The following RUNX1T1 variants were observed in gnomAD, a reference collection of about 807,000 sequenced individuals.
The protein encoded by RUNX1T1 is protein CBFA2T1.
A neutral mutation model predicts 62.8 loss-of-function variants in RUNX1T1; 4 were observed. The observed-to-expected ratio is 0.06, with a 90% CI of 0.03 to 0.15. The LOEUF (loss-of-function observed/expected upper bound fraction) is 0.15. Among genes scored for constraint, RUNX1T1 ranks in the 10% least tolerant of loss-of-function variants. The pLI is 1.00. For missense variants in RUNX1T1, 508 were observed against 754.3 expected, an observed-to-expected ratio of 0.67 and a Z score of 3.82; for synonymous variants, 291 against 286.0, an observed-to-expected ratio of 1.02 and a Z score of -0.18.
chr8:91,959,140 C>T (rs953833758), exon 11 of RUNX1T1: 3 of 217,626 alleles, frequency 1.4e-5, no homozygotes, highest in Non-Finnish European at 2.8e-5. Context: ...GGAAACCTCA[C>T]AGGACAGAAG....
intron 6 of RUNX1T1, among the ~76,000 whole-genome samples, chr8:91,990,645 C>CTTTT (rs34688927): frequency 6.9e-6 from 1 of 145,610 alleles, no homozygotes; most frequent in African/African-American, 2.5e-5. Flanking sequence ...TGCTTTACTA[C>CTTTT]TTTTTTTTTT....
intron 10 of RUNX1T1, among the ~76,000 whole-genome samples, chr8:91,962,863 G>A (rs1414282891): frequency 6.6e-6 from 1 of 152,204 alleles, no homozygotes; most frequent in Non-Finnish European, 1.5e-5. Context: ...CCTGGTGTGA[G>A]TCCTATCCGT....
intron 1 of RUNX1T1, among the ~76,000 whole-genome samples, chr8:92,053,327 C>A (rs1345431990): frequency 6.6e-6 from 1 of 152,062 alleles, no homozygotes; most frequent in Non-Finnish European, 1.5e-5. Context: ...TAAAATCTTA[C>A]CCAGTATGCC....
At chr8:92,070,356 G>A (rs1833487779) in intron 2 of RUNX1T1, among the ~76,000 whole-genome samples, 2 of 152,126 alleles carry the variant, frequency 1.3e-5, no homozygotes, top group Non-Finnish European at 2.9e-5. Context: ...ATATTTATAT[G>A]TTTTCTTTTT....
At chr8:92,008,598 T>A (rs1005379323) in intron 4 of RUNX1T1, among the ~76,000 whole-genome samples, 1 of 152,068 alleles carries the variant, frequency 6.6e-6, no homozygotes, top group African/African-American at 2.4e-5. Flanking sequence ...AGAGACAAAT[T>A]CCTGAATGAT....
chr8:92,081,488 A>G (rs1195131625), intron 1 of RUNX1T1, among the ~76,000 whole-genome samples: 1 of 151,910 alleles, frequency 6.6e-6, no homozygotes, highest in Non-Finnish European at 1.5e-5. Context: ...TGCAGGCTCT[A>G]AAACATTTTG....
chr8:92,003,801 T>C (rs560123834), intron 5 of RUNX1T1, among the ~76,000 whole-genome samples: 1 of 152,350 alleles, frequency 6.6e-6, no homozygotes, highest in East Asian at 1.9e-4. Flanking sequence ...AAGCACTAAG[T>C]GCTCTATTTT....
intron 1 of RUNX1T1, among the ~76,000 whole-genome samples, chr8:92,030,427 T>A (rs1480066111): frequency 1.3e-5 from 2 of 152,214 alleles, no homozygotes; most frequent in Non-Finnish European, 2.9e-5. Context: ...AGAAATTTCC[T>A]ATTTAAAAAT....
chr8:92,099,856 A>C (rs532573457), upstream of RUNX1T1, among the ~76,000 whole-genome samples: 1 of 152,358 alleles, frequency 6.6e-6, no homozygotes, highest in East Asian at 1.9e-4. Context: ...TGTTTAAAGA[A>C]ATGCAAGATT....
intron 1 of RUNX1T1, chr8:92,095,414 A>C (rs1266793906): frequency 5.2e-6 from 8 of 1,535,492 alleles, no homozygotes; most frequent in Non-Finnish European, 7.0e-6. Context: ...CTTTGTATTC[A>C]TTAAACACAC....
chr8:92,082,127 C>A (rs1053886443), intron 1 of RUNX1T1, among the ~76,000 whole-genome samples: 1 of 152,096 alleles, frequency 6.6e-6, no homozygotes, highest in East Asian at 1.9e-4. Flanking sequence ...CCTCGTGATC[C>A]GCCCGCCTCA....
At chr8:92,013,112 G>C (rs1312844268) in intron 3 of RUNX1T1, among the ~76,000 whole-genome samples, 1 of 151,874 alleles carries the variant, frequency 6.6e-6, no homozygotes, top group Non-Finnish European at 1.5e-5. Flanking sequence ...CCATTTACTT[G>C]ATACAATTAT....
intron 1 of RUNX1T1, among the ~76,000 whole-genome samples, chr8:92,084,648 T>C (rs1045830441): frequency 1.3e-5 from 2 of 152,158 alleles, no homozygotes; most frequent in African/African-American, 2.4e-5. Flanking sequence ...GCACGGATGA[T>C]AGCAGAGTTG....
intron 1 of RUNX1T1, among the ~76,000 whole-genome samples, chr8:92,048,801 G>A (rs1336548559): frequency 6.6e-6 from 1 of 152,050 alleles, no homozygotes; most frequent in Non-Finnish European, 1.5e-5. Context: ...CAAAATAAAG[G>A]CCACATTGGC....
At chr8:91,970,883 C>T in intron 9 of RUNX1T1, 35 bp from the exon 11 acceptor site, 6 of 1,531,348 alleles carry the variant, frequency 3.9e-6, no homozygotes, top group Non-Finnish European at 5.3e-6. Flanking sequence ...GACAAGAAAA[C>T]ACCTCTCAGT....
intron 4 of RUNX1T1, among the ~76,000 whole-genome samples, chr8:92,008,748 T>G (rs1563744018): frequency 6.6e-6 from 1 of 152,190 alleles, no homozygotes; most frequent in Non-Finnish European, 1.5e-5. Context: ...ATAGTACTTC[T>G]GGAGAGAAGT....
At chr8:91,995,372 G>A (rs1469372139) in intron 5 of RUNX1T1, among the ~76,000 whole-genome samples, 2 of 152,184 alleles carry the variant, frequency 1.3e-5, no homozygotes, top group African/African-American at 4.8e-5. Flanking sequence ...TAGGGCCTGA[G>A]TCTGTTCTCT....
upstream of RUNX1T1, chr8:92,063,714 A>G (rs1832431928): frequency 6.6e-6 from 1 of 152,200 alleles, no homozygotes; most frequent in Non-Finnish European, 1.5e-5. Flanking sequence ...TAAACACACA[A>G]CAATGCCAGG....
intron 1 of RUNX1T1, among the ~76,000 whole-genome samples, chr8:92,086,739 G>A (rs1381824796): frequency 6.6e-6 from 1 of 152,190 alleles, no homozygotes; most frequent in Admixed American, 6.5e-5. Flanking sequence ...AGTAAATCCA[G>A]GTTGGTATTA....
Sources: gnomAD v4.1 joint callset for allele counts (sites outside exome capture counted in the v4.1 genomes callset) on GRCh38, gnomAD v4.1.1 for gene constraint, MANE v1.5 for transcripts, NCBI Gene and HGNC (gene_info 2026-07-23, HGNC 2026-07-21) for gene names.